NEDD4: variants seen among roughly 807,000 people sequenced by gnomAD.
NEDD4 encodes E3 ubiquitin-protein ligase NEDD4.
Under a neutral mutation model 144.9 loss-of-function variants are expected in NEDD4, and 99 were observed. The ratio of observed to expected loss-of-function variants is 0.68; its 90% CI spans 0.58 to 0.81. The LOEUF is 0.81. NEDD4 is among the 30% of genes least tolerant of loss of function. The pLI is 0.00. For missense variants in NEDD4, 985 were observed against 1,065.9 expected, an observed-to-expected ratio of 0.92 and a Z score of 1.06; for synonymous variants, 318 against 350.6, an observed-to-expected ratio of 0.91 and a Z score of 1.04.
intron 5 of NEDD4, among the ~76,000 whole-genome samples, chr15:55,919,895 G>A (rs1200574322): frequency 6.6e-6 from 1 of 152,124 alleles, no homozygotes; most frequent in Non-Finnish European, 1.5e-5. Flanking sequence ...TATCAACTTC[G>A]ATAGGTTATG....
intron 11 of NEDD4, among the ~76,000 whole-genome samples, chr15:55,858,344 T>C (rs2034275970): frequency 6.6e-6 from 1 of 152,024 alleles, no homozygotes; most frequent in Non-Finnish European, 1.5e-5. Flanking sequence ...TTTCACTCTG[T>C]CACCCAAGCT....
chr15:55,909,890 TAG>T (rs1286874357), intron 5 of NEDD4, among the ~76,000 whole-genome samples: 1 of 152,188 alleles, frequency 6.6e-6, no homozygotes, highest in African/African-American at 2.4e-5. Flanking sequence ...TTTTTGGTGG[TAG>T]AGAGGGGACT....
chr15:55,848,771 C>T lies in NEDD4; in HGVS notation c.1428+35G>A, dbSNP rs576633280. On this transcript the variant is annotated intron_variant, in intron 15 of 28. Transcript: ENST00000435532. ...CGAAAATGCAAAATATTTGAGATAG[C>T]CAAGTTAGATGGGTTAGCATTTCTA... 3.0e-5 allele frequency: 47 copies of T among 1,573,036 alleles called. No homozygotes were observed. In the South Asian group the frequency reaches 4.6e-4, roughly 15 times the overall value.
At chr15:55,928,516 A>C (rs748887166) in intron 4 of NEDD4, among the ~76,000 whole-genome samples, 9 of 152,256 alleles carry the variant, frequency 5.9e-5, no homozygotes, top group Non-Finnish European at 1.2e-4. Flanking sequence ...TGCCCAACCA[A>C]ATATGCATCT....
At chr15:55,861,163 C>G (rs1284188746) in intron 9 of NEDD4, among the ~76,000 whole-genome samples, 1 of 152,182 alleles carries the variant, frequency 6.6e-6, no homozygotes, top group East Asian at 1.9e-4. Context: ...GTTACACATA[C>G]ATACATCTTT....
In NEDD4 at chr15:55,840,419, G is replaced by A. The variant is rs72732264; in HGVS notation, c.2031+28C>T. The A allele has an allele frequency of 8.0e-3, 12,650 of 1,582,606 alleles. 76 individuals carry two copies. Among genetic ancestry groups the A allele is most frequent in the Non-Finnish European group, 9.0e-3 (10,499 of 1,161,020 alleles). The stretch of plus-strand genomic sequence containing the variant: ...CAAGCTGCTTGTTAAATTATACTTC[G>A]TCTATACTATAAGTGAAAAAGACAT... On this transcript the variant is annotated intron_variant, in intron 21 of 28. Coordinates refer to ENST00000435532, the MANE Select transcript of NEDD4 (RefSeq NM_006154.4).
chr15:55,937,689 A>T (rs2036919624), intron 4 of NEDD4, among the ~76,000 whole-genome samples: 1 of 152,230 alleles, frequency 6.6e-6, no homozygotes, highest in Non-Finnish European at 1.5e-5. Context: ...AAATAAATGG[A>T]AAGACATCCT....
intron 2 of NEDD4, among the ~76,000 whole-genome samples, chr15:55,963,545 T>TA (rs2142324456): frequency 6.6e-6 from 1 of 152,354 alleles, no homozygotes; most frequent in African/African-American, 2.4e-5. Context: ...GGTCTATAAC[T>TA]TATACCTGCT....
chr15:55,886,590 C>T (rs1329037533), intron 5 of NEDD4, among the ~76,000 whole-genome samples: 1 of 152,028 alleles, frequency 6.6e-6, no homozygotes. Context: ...TGGTGAAACC[C>T]CATCTCTACT....
chr15:55,991,792 C>A lies in NEDD4; in HGVS notation c.45+1719G>T, dbSNP rs573025729. The A allele has an allele frequency of 3.3e-4, 50 of 152,308 alleles. 1 individual carries two copies. Among genetic ancestry groups the A allele is most frequent in the African/African-American group, 1.2e-3 (50 of 41,560 alleles). The allele number at this position is 152,308 out of a possible 1,614,324, so 9.4% of individuals were successfully genotyped here. On this transcript the variant is annotated intron_variant, in intron 1 of 28. Transcript: ENST00000435532. The stretch of plus-strand genomic sequence containing the variant: ...TTTGGCCCCAGTTCCTTACCGACCA[C>A]CCATTAACTGCCACAATTAGTTTTA...
chr15:55,951,464 A>T, intron 3 of NEDD4, 47 bp downstream of exon 3: 1 of 1,397,884 alleles, frequency 7.2e-7, no homozygotes. Flanking sequence ...GTCTTATAAA[A>T]ATAAAACAAA....
chr15:55,906,612 T>C (rs551843312), intron 5 of NEDD4, among the ~76,000 whole-genome samples: 7 of 133,212 alleles, frequency 5.3e-5, no homozygotes, highest in Admixed American at 1.6e-4. Context: ...AAGGGGAACA[T>C]CACACACCGG....
chr15:55,970,660 G>GAT (rs1358361918), intron 1 of NEDD4, among the ~76,000 whole-genome samples: 2 of 152,358 alleles, frequency 1.3e-5, no homozygotes, highest in African/African-American at 4.8e-5. Context: ...AATTCTCCCA[G>GAT]ATCTTACCCA....
chr15:55,955,218 T>C (rs1473940724), intron 2 of NEDD4, among the ~76,000 whole-genome samples: 2 of 152,032 alleles, frequency 1.3e-5, no homozygotes, highest in East Asian at 3.9e-4. Context: ...AAACAGGGTT[T>C]CACCATGTTG....
chr15:55,941,740 A>C lies in NEDD4; in HGVS notation c.237+9636T>G, dbSNP rs542054469. 7.0e-4 allele frequency among the ~76,000 whole-genome samples: 107 copies of C among 151,956 alleles called. No homozygotes were observed. The Middle Eastern group carries it at 0.014, about 19-fold the overall frequency. On this transcript the variant is annotated intron_variant, in intron 4 of 28. Transcript: ENST00000435532. ...CATCACACCCAGCTACTTTTTGTAT[A>C]CTTTTTTTCTTTAGTAGAGGCGGGG...
intron 13 of NEDD4, 24 bp from the exon 14 acceptor site, chr15:55,850,766 T>C: frequency 1.3e-6 from 2 of 1,594,828 alleles, no homozygotes; most frequent in Non-Finnish European, 1.7e-6. Context: ...GAAATCATAT[T>C]GTAATATTTT....
intron 5 of NEDD4, chr15:55,915,413 C>T (rs574696977): frequency 6.2e-7 from 1 of 1,613,810 alleles, no homozygotes; most frequent in Admixed American, 1.7e-5. Flanking sequence ...AACAATTGTG[C>T]TTAAGGCTGG....
chr15:55,895,814 C>T (rs1037128575), intron 5 of NEDD4, among the ~76,000 whole-genome samples: 3 of 152,188 alleles, frequency 2.0e-5, no homozygotes, highest in Admixed American at 1.3e-4. Flanking sequence ...GGCCATCTAA[C>T]GCTGGTCATA....
At chr15:55,863,342 T>C (rs2034474926) in intron 8 of NEDD4, among the ~76,000 whole-genome samples, 1 of 152,184 alleles carries the variant, frequency 6.6e-6, no homozygotes, top group African/African-American at 2.4e-5. Flanking sequence ...GGCACAAGCC[T>C]GTAAAGTTTC....
Sources: allele counts gnomAD v4.1 joint callset (sites outside exome capture counted in the v4.1 genomes callset), GRCh38; gene constraint gnomAD v4.1.1; transcripts MANE v1.5; gene names NCBI Gene and HGNC (gene_info 2026-07-23, HGNC 2026-07-21).